CTNNA3: variants seen among roughly 807,000 people sequenced by gnomAD.
CTNNA3 encodes the protein catenin alpha-3.
Under a neutral mutation model 95.7 loss-of-function variants are expected in CTNNA3, and 76 were observed. The ratio of observed to expected loss-of-function variants is 0.79; its 90% CI spans 0.66 to 0.96. The LOEUF is 0.96. Among genes scored for constraint, CTNNA3 ranks in the 40% least tolerant of loss-of-function variants. CTNNA3 has a pLI of 0.00. For synonymous variants in CTNNA3, 431 were observed against 374.4 expected, an observed-to-expected ratio of 1.15 and a Z score of -1.74; for missense variants, 1,191 against 1,089.8, an observed-to-expected ratio of 1.09 and a Z score of -1.31.
At chr10:66,388,298 A>G (rs1337354968) in intron 11 of CTNNA3, among the ~76,000 whole-genome samples, 1 of 152,180 alleles carries the variant, frequency 6.6e-6, no homozygotes, top group Non-Finnish European at 1.5e-5. Context: ...TGGAAGATTA[A>G]TAATATATAA....
chr10:67,549,164 C>T (rs1407083262), intron 3 of CTNNA3, among the ~76,000 whole-genome samples: 1 of 150,610 alleles, frequency 6.6e-6, no homozygotes, highest in Non-Finnish European at 1.5e-5. Context: ...GCAGAGGGGA[C>T]CAAAAAAAAA....
intron 3 of CTNNA3, among the ~76,000 whole-genome samples, chr10:67,579,737 A>T (rs1209044767): frequency 1.3e-5 from 2 of 152,076 alleles, no homozygotes; most frequent in East Asian, 3.9e-4. Context: ...CTTTTTAATG[A>T]TCACCATTCT....
chr10:67,305,391 AAG>A (rs1174526628), intron 5 of CTNNA3, among the ~76,000 whole-genome samples: 1 of 151,512 alleles, frequency 6.6e-6, no homozygotes, highest in Non-Finnish European at 1.5e-5. Context: ...AAAAAAAAAA[AAG>A]AGAGAGAGAC....
intron 5 of CTNNA3, among the ~76,000 whole-genome samples, chr10:67,354,467 AT>A (rs1842740554): frequency 6.6e-6 from 1 of 151,982 alleles, no homozygotes. Context: ...ATTCATTTAC[AT>A]TTTTTATTTT....
intron 10 of CTNNA3, among the ~76,000 whole-genome samples, chr10:66,578,139 G>A (rs937850729): frequency 4.6e-5 from 7 of 151,908 alleles, no homozygotes; most frequent in African/African-American, 9.7e-5. Flanking sequence ...CATTATTGGT[G>A]TATAGAAATG....
At chr10:66,585,602 TAA>T (rs542577395) in intron 10 of CTNNA3, among the ~76,000 whole-genome samples, 1 of 151,862 alleles carries the variant, frequency 6.6e-6, no homozygotes, top group African/African-American at 2.4e-5. Context: ...TGTCCTGAAT[TAA>T]AAAAAATTAT....
At chr10:67,094,791 C>G (rs1278758845) in intron 7 of CTNNA3, among the ~76,000 whole-genome samples, 9 of 151,462 alleles carry the variant, frequency 5.9e-5, no homozygotes, top group African/African-American at 1.9e-4. Context: ...AAAGACTTAC[C>G]TGAACACAAT....
At chr10:66,447,735 C>T (rs929651650) in intron 11 of CTNNA3, among the ~76,000 whole-genome samples, 2 of 151,926 alleles carry the variant, frequency 1.3e-5, no homozygotes, top group Non-Finnish European at 2.9e-5. Context: ...AGAAGAAAAC[C>T]TAGGCAATAC....
intron 1 of CTNNA3, among the ~76,000 whole-genome samples, chr10:67,724,946 C>A (rs1474941866): frequency 7.9e-5 from 12 of 152,068 alleles, no homozygotes; most frequent in Non-Finnish European, 1.8e-4. Flanking sequence ...AAACCTTAAA[C>A]CTTACTTCCT....
chr10:66,537,679 G>T (rs1183139664), intron 10 of CTNNA3, among the ~76,000 whole-genome samples: 1 of 151,240 alleles, frequency 6.6e-6, no homozygotes, highest in Admixed American at 6.6e-5. Context: ...TGGAGTCTTA[G>T]CCAGGTGCAG....
intron 5 of CTNNA3, among the ~76,000 whole-genome samples, chr10:67,242,476 A>T (rs1435418741): frequency 6.6e-6 from 1 of 152,220 alleles, no homozygotes. Context: ...ACAAACTCAA[A>T]TGTTTAAGCA....
intron 13 of CTNNA3, among the ~76,000 whole-genome samples, chr10:66,199,057 G>C (rs1396804865): frequency 6.6e-6 from 1 of 151,998 alleles, no homozygotes; most frequent in Non-Finnish European, 1.5e-5. Context: ...TTGCTGAAGA[G>C]TTGTTTCCAT....
At chr10:67,713,274 T>C (rs1841122956) in intron 1 of CTNNA3, among the ~76,000 whole-genome samples, 1 of 152,106 alleles carries the variant, frequency 6.6e-6, no homozygotes. Context: ...CATTAAAAAG[T>C]CAGGAAACAA....
At chr10:66,141,840 A>G (rs895681738) in intron 13 of CTNNA3, among the ~76,000 whole-genome samples, 1 of 152,192 alleles carries the variant, frequency 6.6e-6, no homozygotes, top group African/African-American at 2.4e-5. Flanking sequence ...TTGCCAACAA[A>G]TTGATGATAA....
chr10:66,309,685 C>CAAAAAAAAAAAAAAAAA (rs60400266), intron 12 of CTNNA3, among the ~76,000 whole-genome samples: 12 of 41,778 alleles, frequency 2.9e-4, no homozygotes, highest in Admixed American at 4.0e-4. Flanking sequence ...GACTCCGTCT[C>CAAAAAAAAAAAAAAAAA]AAAAAAAAAA....
intron 5 of CTNNA3, among the ~76,000 whole-genome samples, chr10:67,349,855 C>T (rs1842566685): frequency 6.6e-6 from 1 of 152,148 alleles, no homozygotes; most frequent in Non-Finnish European, 1.5e-5. Flanking sequence ...TTATGACCTA[C>T]ACAGTTGTTC....
At chr10:66,702,707 CAA>C (rs36140474) in intron 9 of CTNNA3, among the ~76,000 whole-genome samples, 1,922 of 81,182 alleles carry the variant, frequency 0.024, 51 homozygotes, top group African/African-American at 0.09. Flanking sequence ...AACTCCACCT[CAA>C]AAAAAAAAAA....
chr10:66,809,835 G>A (rs1396040980), intron 7 of CTNNA3, among the ~76,000 whole-genome samples: 6 of 135,978 alleles, frequency 4.4e-5, no homozygotes, highest in African/African-American at 1.1e-4. Flanking sequence ...ACAAAGTCTC[G>A]CCCTTGTCCT....
At chr10:66,412,649 C>T (rs765417425) in intron 11 of CTNNA3, among the ~76,000 whole-genome samples, 11 of 151,838 alleles carry the variant, frequency 7.2e-5, no homozygotes, top group East Asian at 3.9e-4. Flanking sequence ...GTAGTAGAGA[C>T]GGGGTTTTAT....
Sources: gnomAD v4.1 joint callset for allele counts (sites outside exome capture counted in the v4.1 genomes callset) on GRCh38, gnomAD v4.1.1 for gene constraint, MANE v1.5 for transcripts, NCBI Gene and HGNC (gene_info 2026-07-23, HGNC 2026-07-21) for gene names.